MYRIP: variants seen among roughly 807,000 people sequenced by gnomAD.
MYRIP encodes rab effector MyRIP.
A neutral mutation model predicts 98.0 loss-of-function variants in MYRIP; 49 were observed. The observed-to-expected ratio is 0.50, with a 90% CI of 0.40 to 0.63. The LOEUF (loss-of-function observed/expected upper bound fraction) is 0.63, where lower values mean the gene tolerates loss of function less well. Ranked by LOEUF, MYRIP falls within the 30% of genes least tolerant of loss-of-function variation. The pLI is 0.00. For synonymous variants in MYRIP, 404 were observed against 409.5 expected, an observed-to-expected ratio of 0.99 and a Z score of 0.16; for missense variants, 1,004 against 1,058.2, an observed-to-expected ratio of 0.95 and a Z score of 0.71.
intron 4 of MYRIP, among the ~76,000 whole-genome samples, chr3:40,152,912 T>C (rs1950149341): frequency 6.6e-6 from 1 of 150,390 alleles, no homozygotes; most frequent in Non-Finnish European, 1.5e-5. Context: ...AGACCAGGAG[T>C]TCAAGACCAG....
chr3:40,155,962 A>C (rs1396048426), intron 4 of MYRIP, among the ~76,000 whole-genome samples: 29 of 152,024 alleles, frequency 1.9e-4, no homozygotes, highest in Admixed American at 1.9e-3. Flanking sequence ...CTCTGATGGT[A>C]GTTTCTTTTG....
chr3:39,939,921 C>G (rs1944744042), intron 2 of MYRIP, among the ~76,000 whole-genome samples: 1 of 151,930 alleles, frequency 6.6e-6, no homozygotes, highest in Non-Finnish European at 1.5e-5. Context: ...ATGTATACAT[C>G]AATGAGTATG....
chr3:40,052,152 T>A (rs1947806468), intron 3 of MYRIP, among the ~76,000 whole-genome samples: 1 of 152,108 alleles, frequency 6.6e-6, no homozygotes, highest in Non-Finnish European at 1.5e-5. Flanking sequence ...ACTGTATTTT[T>A]GTACCCTTTA....
chr3:40,082,728 G>A lies in MYRIP; in HGVS notation c.332+38457G>A, dbSNP rs114481853. Reference sequence around the variant, plus strand: ...AAAAACAGAAACTAACTTTTTCACCGTCCTGATATGGCTCCTTTAAATGGG... The same window carrying A: ...AAAAACAGAAACTAACTTTTTCACCATCCTGATATGGCTCCTTTAAATGGG... On this transcript the variant is annotated intron_variant, in intron 3 of 16. Transcript: ENST00000302541. Among the ~76,000 whole-genome samples, 817 of 152,244 alleles carry A rather than the reference G, an allele frequency of 5.4e-3. 3 individuals carry two copies. Among genetic ancestry groups the A allele is most frequent in the Middle Eastern group, 0.014 (4 of 294 alleles).
chr3:40,163,389 A>T (rs1162114198), intron 5 of MYRIP, among the ~76,000 whole-genome samples: 1 of 152,192 alleles, frequency 6.6e-6, no homozygotes, highest in African/African-American at 2.4e-5. Flanking sequence ...TGTCAACTTG[A>T]CTTGGGCTAA....
At chr3:39,934,053 G>A (rs1394852155) in intron 2 of MYRIP, among the ~76,000 whole-genome samples, 2 of 152,302 alleles carry the variant, frequency 1.3e-5, no homozygotes, top group Admixed American at 6.5e-5. Flanking sequence ...ATTCAGCAAT[G>A]TGTGCTTGAG....
intron 2 of MYRIP, among the ~76,000 whole-genome samples, chr3:39,990,748 A>G (rs1946153352): frequency 6.6e-6 from 1 of 152,214 alleles, no homozygotes. Flanking sequence ...TCAGTTTCTA[A>G]GTGCAGGGCT....
At chr3:40,127,583 A>G (rs1430002934) in intron 3 of MYRIP, among the ~76,000 whole-genome samples, 1 of 152,200 alleles carries the variant, frequency 6.6e-6, no homozygotes, top group Non-Finnish European at 1.5e-5. Flanking sequence ...TGGTGCTCAG[A>G]AGTTAACATC....
intron 11 of MYRIP, among the ~76,000 whole-genome samples, chr3:40,231,171 G>A (rs1952644714): frequency 6.6e-6 from 1 of 152,182 alleles, no homozygotes; most frequent in Admixed American, 6.5e-5. Flanking sequence ...TTCTGAAATG[G>A]TCCAGGTCTT....
intron 12 of MYRIP, among the ~76,000 whole-genome samples, chr3:40,236,308 C>T (rs1020323560): frequency 2.0e-5 from 3 of 152,156 alleles, no homozygotes; most frequent in African/African-American, 7.2e-5. Context: ...TCTAATAATA[C>T]ATCCTCATTA....
chr3:39,881,289 T>C (rs994337452), intron 1 of MYRIP, among the ~76,000 whole-genome samples: 13 of 152,182 alleles, frequency 8.5e-5, no homozygotes, highest in Non-Finnish European at 1.5e-4. Context: ...TATCTGATAA[T>C]CTTGGGCTGT....
chr3:40,234,193 G>A (rs767619335), intron 12 of MYRIP, 140 bp downstream of exon 12: 4 of 903,612 alleles, frequency 4.4e-6, no homozygotes, highest in Non-Finnish European at 6.2e-6. Flanking sequence ...ACATTCTCAG[G>A]AAGGACCTTA....
intron 2 of MYRIP, among the ~76,000 whole-genome samples, chr3:39,932,883 T>A (rs114669701): frequency 0.014 from 2,109 of 152,320 alleles, 67 homozygotes; most frequent in African/African-American, 0.047. Flanking sequence ...GCTTAAACTT[T>A]CCTTGGAGCA....
At chr3:39,926,328 C>A (rs555801573) in intron 2 of MYRIP, among the ~76,000 whole-genome samples, 6 of 152,100 alleles carry the variant, frequency 3.9e-5, no homozygotes, top group African/African-American at 1.4e-4. Flanking sequence ...TACAAAAACT[C>A]TTTAGTTTAA....
intron 2 of MYRIP, among the ~76,000 whole-genome samples, chr3:39,983,201 T>C (rs2125761226): frequency 6.6e-6 from 1 of 152,322 alleles, no homozygotes; most frequent in East Asian, 1.9e-4. Flanking sequence ...GGTTCCTTTA[T>C]CCCTGCCAGT....
Position 39,990,498 on chromosome 3 carries a change from T to C in MYRIP, c.111-53552T>C, listed in dbSNP as rs1253919684. On this transcript the variant is annotated intron_variant, in intron 2 of 16. Coordinates refer to ENST00000302541, the MANE Select transcript of MYRIP (RefSeq NM_015460.4). The stretch of plus-strand genomic sequence containing the variant: ...AACAATAAAGATAGCTCACTGCTCA[T>C]AGAATTATTTTGAGGCTTGAGTGAA... 3.9e-5 allele frequency among the ~76,000 whole-genome samples: 6 copies of C among 152,238 alleles called. No individual in the cohort carries two copies. In the East Asian group the frequency reaches 5.8e-4, roughly 15 times the overall value.
intron 3 of MYRIP, among the ~76,000 whole-genome samples, chr3:40,062,202 T>C (rs1173509570): frequency 6.6e-6 from 1 of 152,216 alleles, no homozygotes; most frequent in Non-Finnish European, 1.5e-5. Context: ...TTGCCTAGGT[T>C]GTCTTCCAGG....
rs181232041 is a variant in MYRIP, at chr3:40,103,370, G to C, written c.333-47678G>C. 1.5e-3 allele frequency among the ~76,000 whole-genome samples: 228 copies of C among 152,348 alleles called. 1 individual carries two copies. Among genetic ancestry groups the C allele is most frequent in the Admixed American group, 9.7e-3 (149 of 15,298 alleles). On this transcript the variant is annotated intron_variant, in intron 3 of 16. Transcript: ENST00000302541. Reference sequence around the variant, plus strand: ...AAAGACCCAGATGAAATGGCAGAACGCCTGTGAACTTCATCTAATGTACAC... The same window carrying C: ...AAAGACCCAGATGAAATGGCAGAACCCCTGTGAACTTCATCTAATGTACAC...
At chr3:40,024,570 GTT>G (rs1215319587) in intron 2 of MYRIP, among the ~76,000 whole-genome samples, 4 of 146,008 alleles carry the variant, frequency 2.7e-5, no homozygotes, top group East Asian at 2.0e-4. Flanking sequence ...CTTTTTGTGG[GTT>G]TTTTTTTTTT....
Sources: allele counts gnomAD v4.1 joint callset (sites outside exome capture counted in the v4.1 genomes callset), GRCh38; gene constraint gnomAD v4.1.1; transcripts MANE v1.5; gene names NCBI Gene and HGNC (gene_info 2026-07-23, HGNC 2026-07-21).